The following TSHZ2 variants were observed in gnomAD, a reference collection of about 807,000 sequenced individuals.
TSHZ2 encodes the protein teashirt homolog 2.
TSHZ2 carries 21 observed loss-of-function variants against 74.4 expected under a neutral mutation model. The ratio of observed to expected loss-of-function variants is 0.28; its 90% CI spans 0.20 to 0.41. The LOEUF is 0.41. Ranked by LOEUF, TSHZ2 falls within the 10% of genes least tolerant of loss-of-function variation. The probability of loss-of-function intolerance (pLI) is 1.00; values close to 1 mark genes in which losing one functional copy is unlikely to be tolerated. For missense variants in TSHZ2, 1,244 were observed against 1,293.5 expected, an observed-to-expected ratio of 0.96 and a Z score of 0.59; for synonymous variants, 540 against 515.3, an observed-to-expected ratio of 1.05 and a Z score of -0.65.
intron 1 of TSHZ2, among the ~76,000 whole-genome samples, chr20:53,043,174 A>C (rs1447573858): frequency 1.3e-5 from 2 of 152,288 alleles, no homozygotes; most frequent in Non-Finnish European, 2.9e-5. Flanking sequence ...GTGCATAAAA[A>C]AATTGCTGGA....
At chr20:53,014,319 C>G (rs2256172) in intron 1 of TSHZ2, among the ~76,000 whole-genome samples, 43,951 of 152,024 alleles carry the variant, frequency 0.29, 7,720 homozygotes, top group Non-Finnish European at 0.41. Flanking sequence ...TTCAGGGCCC[C>G]TCATCCTAAT....
intron 2 of TSHZ2, among the ~76,000 whole-genome samples, chr20:53,441,935 C>T (rs983217434): frequency 3.3e-5 from 5 of 152,118 alleles, no homozygotes; most frequent in Admixed American, 6.5e-5. Flanking sequence ...GAGGGCTGTG[C>T]AGAAACAAAT....
intron 2 of TSHZ2, among the ~76,000 whole-genome samples, chr20:53,315,052 CAAG>C (rs1978943766): frequency 6.6e-6 from 1 of 152,204 alleles, no homozygotes; most frequent in African/African-American, 2.4e-5. Flanking sequence ...AGTCACAACT[CAAG>C]GAGATTCAAA....
chr20:53,230,894 GAAAAA>G (rs1989810378), intron 1 of TSHZ2, among the ~76,000 whole-genome samples: 1 of 151,434 alleles, frequency 6.6e-6, no homozygotes, highest in South Asian at 2.1e-4. Context: ...AAAAAAAAAA[GAAAAA>G]AGAAAAAATA....
intron 2 of TSHZ2, among the ~76,000 whole-genome samples, chr20:53,475,226 C>G (rs1985958094): frequency 1.5e-5 from 2 of 134,168 alleles, no homozygotes. Context: ...CACCACACCA[C>G]ACCTATTCCA....
Position 53,359,220 on chromosome 20 carries a change from A to G in TSHZ2, c.*8+102649A>G, listed in dbSNP as rs73620445. Among the ~76,000 whole-genome samples the G allele has an allele frequency of 6.1e-3, 936 of 152,300 alleles. 18 individuals are homozygous for G. The highest frequency in any genetic ancestry group is 0.027 in the East Asian group (139 of 5,178). ...TTGCTTTTGTAGATAAAGAAGCTCA[A>G]CATCACAGACCTTCATTCATAAAAA... On this transcript the variant is annotated intron_variant, in intron 2 of 2. Transcript: ENST00000371497.
At chr20:53,307,853 G>C (rs1184399359) in intron 2 of TSHZ2, among the ~76,000 whole-genome samples, 2 of 152,106 alleles carry the variant, frequency 1.3e-5, no homozygotes, top group Non-Finnish European at 2.9e-5. Flanking sequence ...AATGACCCTG[G>C]ATAGGTCCTT....
At chr20:53,309,621 A>G (rs926261693) in intron 2 of TSHZ2, among the ~76,000 whole-genome samples, 2 of 152,214 alleles carry the variant, frequency 1.3e-5, no homozygotes, top group Non-Finnish European at 2.9e-5. Flanking sequence ...TATGTCATGT[A>G]CATCTCCCAA....
chr20:53,153,047 G>A (rs866836736), intron 1 of TSHZ2, among the ~76,000 whole-genome samples: 13 of 152,228 alleles, frequency 8.5e-5, no homozygotes, highest in Middle Eastern at 3.4e-3. Context: ...ATGTGCCCAG[G>A]TCCAGAATCC....
At chr20:53,062,555 C>T (rs2123170218) in intron 1 of TSHZ2, among the ~76,000 whole-genome samples, 1 of 152,296 alleles carries the variant, frequency 6.6e-6, no homozygotes, top group East Asian at 1.9e-4. Context: ...TACCTTTCAA[C>T]TTTTCCTCTG....
intron 2 of TSHZ2, among the ~76,000 whole-genome samples, chr20:53,443,484 G>C (rs1207517923): frequency 6.6e-6 from 1 of 152,208 alleles, no homozygotes; most frequent in Admixed American, 6.5e-5. Context: ...GGAAGAAAGA[G>C]ATGTCCATGC....
intron 1 of TSHZ2, among the ~76,000 whole-genome samples, chr20:53,207,334 G>A (rs933574072): frequency 5.9e-5 from 9 of 152,010 alleles, no homozygotes; most frequent in African/African-American, 2.4e-5. Flanking sequence ...TTCAGGGGTG[G>A]GGGGCACTTA....
chr20:53,077,109 G>A (rs1440576207), intron 1 of TSHZ2, among the ~76,000 whole-genome samples: 1 of 152,102 alleles, frequency 6.6e-6, no homozygotes, highest in Admixed American at 6.5e-5. Context: ...GCAGAGATGA[G>A]AGGTAAAGAT....
At chr20:53,013,325 A>G (rs190404836) in intron 1 of TSHZ2, among the ~76,000 whole-genome samples, 401 of 152,164 alleles carry the variant, frequency 2.6e-3, no homozygotes, top group Non-Finnish European at 4.0e-3. Context: ...TCACATCCCT[A>G]TTTGTCCTCA....
Position 53,490,138 on chromosome 20 carries a change from C to T in TSHZ2, c.*3003C>T, listed in dbSNP as rs1986410916. On this transcript the variant is annotated 3_prime_UTR_variant, in exon 3 of 3. Coordinates refer to ENST00000371497, the MANE Select transcript of TSHZ2 (RefSeq NM_173485.6). Reference sequence around the variant, plus strand: ...CCCTCCTTCCAGCTAAGACCACCAACCAGCTGCAAATTGAGATGTCCATTT... The same window carrying T: ...CCCTCCTTCCAGCTAAGACCACCAATCAGCTGCAAATTGAGATGTCCATTT... 6.6e-6 allele frequency: 1 copy of T among 152,172 alleles called. No individual in the cohort carries two copies. The highest frequency in any genetic ancestry group is 1.5e-5 in the Non-Finnish European group (1 of 68,038). 9.4% of individuals were successfully genotyped at this position (152,172 alleles called of 1,614,324 possible).
intron 1 of TSHZ2, among the ~76,000 whole-genome samples, chr20:53,018,785 C>T (rs1387196478): frequency 6.6e-6 from 1 of 151,504 alleles, no homozygotes; most frequent in Admixed American, 6.6e-5. Context: ...TAATTCAGGA[C>T]ACAACTCTTA....
intron 1 of TSHZ2, chr20:53,185,499 G>C: frequency 7.3e-7 from 1 of 1,370,844 alleles, no homozygotes; most frequent in Non-Finnish European, 9.6e-7. Context: ...CCAACATGGT[G>C]AAACCTCAGG....
In TSHZ2 at chr20:53,255,717, C is replaced by T; in HGVS notation, c.2259C>T (p.Ser753=). Residue 753 remains serine, a synonymous_variant, in exon 2 of 3, where the codon TCC becomes TCT. Transcript: ENST00000371497. The surrounding 1 kb of genome is among the most constrained non-coding windows in gnomAD (Gnocchi z 4.1). ...CCTCCACAAGGTCAGCCAGCGTGTC[C>T]AGGCGCTACCTGTTTGAGAACAGCG... The part of the protein sequence containing the change: ...SPASTRSASV[S]RRYLFENSDQ... 6.2e-7 allele frequency: 1 copy of T among 1,609,268 alleles called. No homozygotes were observed. Among genetic ancestry groups the T allele is most frequent in the Non-Finnish European group, 8.5e-7 (1 of 1,177,738 alleles).
chr20:53,375,915 G>A (rs1981640908), intron 2 of TSHZ2, among the ~76,000 whole-genome samples: 1 of 152,196 alleles, frequency 6.6e-6, no homozygotes, highest in South Asian at 2.1e-4. Flanking sequence ...GCACAGAACT[G>A]TGAATCTCAT....
Sources: gnomAD v4.1 joint callset for allele counts (sites outside exome capture counted in the v4.1 genomes callset) on GRCh38, gnomAD v4.1.1 for gene constraint, Gnocchi (gnomAD v3.1) non-coding constraint, MANE v1.5 for transcripts, NCBI Gene and HGNC (gene_info 2026-07-23, HGNC 2026-07-21) for gene names.